Variants in RFX3 observed in about 807,000 individuals in gnomAD.
RFX3 encodes regulatory factor X3, also known as transcription factor RFX3.
A neutral mutation model predicts 98.6 loss-of-function variants in RFX3; 14 were observed. That is an observed-to-expected ratio of 0.14 (90% CI 0.09 to 0.22). The LOEUF is 0.22. RFX3 is among the 10% of genes least tolerant of loss of function. The pLI is 1.00. For synonymous variants in RFX3, 383 were observed against 328.4 expected, an observed-to-expected ratio of 1.17 and a Z score of -1.80; for missense variants, 639 against 926.9, an observed-to-expected ratio of 0.69 and a Z score of 4.03.
At chr9:3,512,584 C>T (rs1310819175) in intron 1 of RFX3, among the ~76,000 whole-genome samples, 5 of 151,808 alleles carry the variant, frequency 3.3e-5, no homozygotes, top group African/African-American at 1.2e-4. Context: ...TGAGGCAACA[C>T]CTCAATTTAA....
chr9:3,322,686 T>C (rs548509893), intron 4 of RFX3, among the ~76,000 whole-genome samples: 8 of 152,264 alleles, frequency 5.3e-5, no homozygotes, highest in East Asian at 3.9e-4. Flanking sequence ...TGAGCTGAGA[T>C]TGTGCCACTG....
At chr9:3,354,490 A>C (rs1329770218) in intron 2 of RFX3, among the ~76,000 whole-genome samples, 1 of 152,046 alleles carries the variant, frequency 6.6e-6, no homozygotes, top group East Asian at 1.9e-4. Flanking sequence ...AAAAAGATAG[A>C]TACCAGGCAG....
intron 1 of RFX3, among the ~76,000 whole-genome samples, chr9:3,488,325 A>G (rs866956225): frequency 1.3e-4 from 20 of 152,204 alleles, no homozygotes; most frequent in South Asian, 4.1e-4. Context: ...TATTTTTGAT[A>G]AATAAGTTTG....
intron 1 of RFX3, among the ~76,000 whole-genome samples, chr9:3,401,537 TG>T (rs1161323689): frequency 6.6e-6 from 1 of 152,244 alleles, no homozygotes; most frequent in Admixed American, 6.5e-5. Flanking sequence ...AAGTGATATT[TG>T]TTTATCAGTC....
chr9:3,339,280 G>A (rs1261842387), intron 3 of RFX3, among the ~76,000 whole-genome samples: 1 of 152,116 alleles, frequency 6.6e-6, no homozygotes, highest in African/African-American at 2.4e-5. Context: ...TGAGTCACTT[G>A]CCCTGACAAC....
chr9:3,283,505 T>C (rs1203822030), intron 7 of RFX3, among the ~76,000 whole-genome samples: 1 of 151,730 alleles, frequency 6.6e-6, no homozygotes, highest in African/African-American at 2.4e-5. Flanking sequence ...ATTCTAAATA[T>C]AGGGTTCGTT....
At chr9:3,334,550 A>G (rs961539902) in intron 3 of RFX3, among the ~76,000 whole-genome samples, 4 of 152,226 alleles carry the variant, frequency 2.6e-5, no homozygotes, top group Non-Finnish European at 5.9e-5. Flanking sequence ...CTAAAAAATG[A>G]CCAAAGAAGA....
intron 2 of RFX3, among the ~76,000 whole-genome samples, chr9:3,386,539 C>T (rs1839733297): frequency 6.6e-6 from 1 of 152,038 alleles, no homozygotes; most frequent in Admixed American, 6.6e-5. Flanking sequence ...TGAATTTATG[C>T]CTTCCAACAA....
intron 1 of RFX3, among the ~76,000 whole-genome samples, chr9:3,421,471 C>T (rs1843433887): frequency 6.6e-6 from 1 of 152,232 alleles, no homozygotes; most frequent in African/African-American, 2.4e-5. Flanking sequence ...CCCTGGTTAA[C>T]ATCTTCTAGT....
At chr9:3,449,679 T>C (rs13300995) in intron 1 of RFX3, among the ~76,000 whole-genome samples, 21,425 of 151,756 alleles carry the variant, frequency 0.14, 2,188 homozygotes, top group African/African-American at 0.29. Flanking sequence ...TGGCAAGACC[T>C]TGTCTCTACT....
At chr9:3,311,298 T>A (rs563116898) in intron 4 of RFX3, among the ~76,000 whole-genome samples, 36 of 152,312 alleles carry the variant, frequency 2.4e-4, no homozygotes, top group African/African-American at 8.2e-4. Context: ...TTCTACCTGG[T>A]TTGCATCTTG....
intron 2 of RFX3, among the ~76,000 whole-genome samples, chr9:3,365,804 C>A (rs1836993738): frequency 6.6e-6 from 1 of 152,028 alleles, no homozygotes; most frequent in Non-Finnish European, 1.5e-5. Flanking sequence ...TCCTCCAACC[C>A]CCTACCAATA....
rs557830330 is a variant in RFX3, at chr9:3,414,626, G to A, written c.-8-19030C>T. Reference sequence around the variant, plus strand: ...GCTAGTAGTATCTACTGCAATATACGAGTGTATATATATATGAGTATATAT... The same window carrying A: ...GCTAGTAGTATCTACTGCAATATACAAGTGTATATATATATGAGTATATAT... On this transcript the variant is annotated intron_variant, in intron 1 of 16. Transcript: ENST00000617270. 2.0e-3 allele frequency among the ~76,000 whole-genome samples: 251 copies of A among 123,524 alleles called. 2 individuals are homozygous for A. The highest frequency in any genetic ancestry group is 9.0e-3 in the African/African-American group (230 of 25,520). The allele number at this position is 123,524 out of a possible 152,430, so 81.0% of individuals were successfully genotyped here. A position where few individuals can be genotyped will look rare whatever the true frequency, so the allele number is the denominator to read the frequency against.
At chr9:3,338,004 C>T (rs924287094) in intron 3 of RFX3, among the ~76,000 whole-genome samples, 6 of 152,092 alleles carry the variant, frequency 3.9e-5, no homozygotes, top group African/African-American at 7.2e-5. Context: ...AGTTTCAAAA[C>T]AGATATTCTC....
intron 1 of RFX3, among the ~76,000 whole-genome samples, chr9:3,464,923 A>T (rs1022427499): frequency 5.3e-5 from 8 of 152,234 alleles, no homozygotes; most frequent in Non-Finnish European, 1.0e-4. Context: ...AAAAAAAAAA[A>T]TTCAAAAGTT....
chr9:3,364,126 G>A (rs935204891), intron 2 of RFX3, among the ~76,000 whole-genome samples: 7 of 152,130 alleles, frequency 4.6e-5, no homozygotes, highest in African/African-American at 1.7e-4. Flanking sequence ...TGCGGGCCTC[G>A]GCCTCCCAAA....
chr9:3,395,293 C>G (rs1486336352), intron 2 of RFX3, among the ~76,000 whole-genome samples, 179 bp downstream of exon 2: 1 of 152,194 alleles, frequency 6.6e-6, no homozygotes, highest in Non-Finnish European at 1.5e-5. Context: ...TAGCCTAGCA[C>G]AGAAAGAACC....
At chr9:3,467,228 AT>A (rs1429221231) in intron 1 of RFX3, among the ~76,000 whole-genome samples, 1 of 145,270 alleles carries the variant, frequency 6.9e-6, no homozygotes, top group Non-Finnish European at 1.5e-5. Flanking sequence ...TAATGTATAT[AT>A]GTATATACAA....
At chr9:3,310,698 G>A (rs1319867236) in intron 4 of RFX3, among the ~76,000 whole-genome samples, 3 of 152,130 alleles carry the variant, frequency 2.0e-5, no homozygotes, top group Non-Finnish European at 4.4e-5. Flanking sequence ...GAGACTATGT[G>A]GGATTGATGG....
Sources: allele counts gnomAD v4.1 joint callset (sites outside exome capture counted in the v4.1 genomes callset), GRCh38; gene constraint gnomAD v4.1.1; transcripts MANE v1.5; gene names NCBI Gene and HGNC (gene_info 2026-07-23, HGNC 2026-07-21).